RAD52: variants seen among roughly 807,000 people sequenced by gnomAD.
RAD52 encodes the protein RAD52 DNA repair protein, also known as DNA repair protein RAD52 homolog.
In RAD52, 47 loss-of-function variants were observed where a neutral mutation model predicts 55.5. The ratio of observed to expected loss-of-function variants is 0.85; its 90% CI spans 0.67 to 1.08. The LOEUF is 1.08. RAD52 is among the 50% of genes least tolerant of loss of function. The pLI, the probability that RAD52 is intolerant of heterozygous loss-of-function variation, is 0.00. For synonymous variants in RAD52, 184 were observed against 198.9 expected (o/e 0.92, Z 0.63); for missense variants, 468 against 522.8 (o/e 0.90, Z 1.02).
chr12:918,367 A>G (rs1410556240), intron 7 of RAD52, among the ~76,000 whole-genome samples: 1 of 152,168 alleles, frequency 6.6e-6, no homozygotes, highest in African/African-American at 2.4e-5. Flanking sequence ...AAAGTACATA[A>G]CAATAAAAAC....
At chr12:916,130 A>G (rs1956357324) in intron 9 of RAD52, 2 of 1,268,400 alleles carry the variant, frequency 1.6e-6, no homozygotes, top group East Asian at 3.1e-5. Flanking sequence ...CACGGGGGAA[A>G]AAAGAAATCA....
rs555707723 is a variant in RAD52 at position 985,796 on chromosome 12, C to A, written c.-19+4013G>T. On this transcript the variant is annotated intron_variant, in intron 1 of 11. Transcript: ENST00000430095. ...TAGTTGGGATTACAGGCGCCCACCACCACGCCCAACTAATTTTTGTAATTT... is the reference window on the plus strand; with the variant it reads ...TAGTTGGGATTACAGGCGCCCACCAACACGCCCAACTAATTTTTGTAATTT... 2.0e-5 allele frequency among the ~76,000 whole-genome samples: 3 copies of A among 152,068 alleles called. No homozygotes were observed. The East Asian group carries it at 5.8e-4, about 29-fold the overall frequency.
At chr12:914,725 G>C (rs1956265470) in intron 9 of RAD52, among the ~76,000 whole-genome samples, 193 bp from the exon 10 acceptor site, 1 of 152,138 alleles carries the variant, frequency 6.6e-6, no homozygotes, top group African/African-American at 2.4e-5. Flanking sequence ...ATCTGTCTGT[G>C]GTTTGAATTC....
Position 930,068 on chromosome 12 carries a change from ATGG to A in RAD52, c.260_262del (p.Ser87_Ile88delinsPhe). The A allele has an allele frequency of 6.2e-7, 1 of 1,613,996 alleles. No individual in the cohort carries two copies. Among genetic ancestry groups the A allele is most frequent in the Non-Finnish European group, 8.5e-7 (1 of 1,179,842 alleles). On this transcript the variant is annotated inframe_deletion, in exon 4 of 12. Coordinates refer to ENST00000358495, the MANE Select transcript of RAD52 (RefSeq NM_134424.4). ...ATACTCACCCACATTCTGCTGCGTG[ATGG>A]AGTGTGCCCAGCCATTGTAACCAAA...
At chr12:938,284 A>G (rs1957740098) in intron 1 of RAD52, among the ~76,000 whole-genome samples, 1 of 152,202 alleles carries the variant, frequency 6.6e-6, no homozygotes, top group African/African-American at 2.4e-5. Flanking sequence ...TCAGGAAACA[A>G]TCAAACAAGT....
chr12:914,028 G>A lies in RAD52; in HGVS notation c.1061C>T (p.Thr354Ile). 1 of 1,614,176 alleles carries A rather than the reference G, an allele frequency of 6.2e-7. No individual in the cohort carries two copies. The highest frequency in any genetic ancestry group is 8.5e-7 in the Non-Finnish European group (1 of 1,180,030). The change falls in exon 11 of 12, where the codon ACC becomes ATC. Residue 354 changes from threonine (T) to isoleucine (I), a missense_variant. Physicochemically the swap from Thr to Ile is moderately conservative, Grantham distance 89 (BLOSUM62 -1). Coordinates refer to ENST00000358495, the MANE Select transcript of RAD52 (RefSeq NM_134424.4). The part of the protein sequence containing the change: ...KPSSRADPAQ[T>I]SDTLALNNQM... The stretch of plus-strand genomic sequence containing the variant: ...GTTGTTCAAGGCTAATGTGTCAGAG[G>A]TCTGGGCTGGGTCTGCTCTAGACGA...
chr12:931,400 T>A, intron 2 of RAD52, 79 bp from the exon 3 acceptor site: 1 of 1,082,554 alleles, frequency 9.2e-7, no homozygotes, highest in Non-Finnish European at 1.3e-6. Flanking sequence ...TTATGGAGAC[T>A]TTATACTCTT....
intron 9 of RAD52, 55 bp downstream of exon 9, chr12:916,289 G>A (rs1383761594): frequency 6.3e-7 from 1 of 1,589,208 alleles, no homozygotes; most frequent in Non-Finnish European, 8.5e-7. Flanking sequence ...AGACCCTGCG[G>A]CTACACTTCC....
At position 965,894 on chromosome 12, in the gene RAD52, C is replaced by T. The variant is rs551853829; in HGVS notation, c.-19+23915G>A. ...TAGAGACAGGGTTTCGCCTGTTGGC[C>T]AGGCTGATCTCGAACTGCTGACCTC... is the stretch of plus-strand genomic sequence containing the variant. On this transcript the variant is annotated intron_variant, in intron 1 of 11. Coordinates refer to the RAD52 transcript ENST00000430095. Among the ~76,000 whole-genome samples, 14 of 152,142 alleles carry T rather than the reference C, an allele frequency of 9.2e-5. No homozygotes were observed. In the South Asian group the frequency reaches 1.9e-3, roughly 20 times the overall value.
At position 944,300 on chromosome 12, in the gene RAD52, G is replaced by A. The variant is rs148660794; in HGVS notation, c.-19+5302C>T. On this transcript the variant is annotated intron_variant, in intron 1 of 11. Transcript: ENST00000358495. ...CACTTGAGGCTGAAGTGGAAGGATC[G>A]CTTGAGGCTCAGGAGTTCAAGACAA... Among the ~76,000 whole-genome samples, 99 of 152,090 alleles carry A rather than the reference G, an allele frequency of 6.5e-4. No individual in the cohort carries two copies. In the East Asian group the frequency reaches 0.012, roughly 18 times the overall value.
chr12:967,381 C>CA (rs71055113), intron 1 of RAD52, among the ~76,000 whole-genome samples: 134,759 of 138,390 alleles, frequency 0.97, 65,633 homozygotes, highest in East Asian at 0.99. Flanking sequence ...GACCTTGTCT[C>CA]AAAAAAAAAA....
chr12:950,695 G>A (rs1317540527), upstream of RAD52, among the ~76,000 whole-genome samples: 1 of 151,878 alleles, frequency 6.6e-6, no homozygotes, highest in Non-Finnish European at 1.5e-5. Flanking sequence ...TTACAGGTAT[G>A]AGCCACTGCA....
chr12:913,439 A>G lies in RAD52; in HGVS notation c.1209T>C (p.Ser403=). Residue 403 remains serine (S), a synonymous_variant, in exon 12 of 12, where the codon TCT becomes TCC. Coordinates refer to ENST00000358495, the MANE Select transcript of RAD52 (RefSeq NM_134424.4). The stretch of plus-strand genomic sequence containing the variant: ...TCTTCATGTCCTGGCTCTTCCTATG[A>G]GATTCCCAGTTTCCTATGGAAGACA... The part of the protein sequence containing the change: ...ADQRTTGNWE[S]HRKSQDMKKR... 1.9e-6 allele frequency: 3 copies of G among 1,605,734 alleles called. No individual in the cohort carries two copies. In the African/African-American group the frequency reaches 4.0e-5, roughly 21 times the overall value.
intron 1 of RAD52, among the ~76,000 whole-genome samples, chr12:954,765 C>T (rs1958582615): frequency 6.6e-6 from 1 of 152,122 alleles, no homozygotes; most frequent in African/African-American, 2.4e-5. Flanking sequence ...TATCAAAATT[C>T]TAAATTAAGC....
intron 1 of RAD52, among the ~76,000 whole-genome samples, chr12:971,063 G>A (rs1752382788): frequency 6.6e-6 from 1 of 152,128 alleles, no homozygotes; most frequent in African/African-American, 2.4e-5. Flanking sequence ...CATATGCAAA[G>A]ATAAAATATA....
upstream of RAD52, among the ~76,000 whole-genome samples, chr12:954,357 C>T (rs911033127): frequency 3.3e-5 from 5 of 152,130 alleles, no homozygotes; most frequent in Non-Finnish European, 7.3e-5. Context: ...ACAGGCTGGG[C>T]GCGGTGGCTC....
At chr12:990,238 T>C (rs894107459), upstream of RAD52, 9 of 152,148 alleles carry the variant, frequency 5.9e-5, no homozygotes, top group African/African-American at 2.2e-4. Flanking sequence ...AAAATTATTT[T>C]AATAAACACT....
chr12:990,897 G>A (rs555262194), upstream of RAD52, among the ~76,000 whole-genome samples: 5 of 152,056 alleles, frequency 3.3e-5, no homozygotes, highest in South Asian at 2.1e-4. Flanking sequence ...CGCTCGCGGA[G>A]CCGACCCCGG....
chr12:982,217 T>C (rs1959027064), intron 1 of RAD52, among the ~76,000 whole-genome samples: 1 of 152,160 alleles, frequency 6.6e-6, no homozygotes, highest in African/African-American at 2.4e-5. Context: ...GTGTCCCCTT[T>C]AGTCCAAGAT....
Sources: allele counts gnomAD v4.1 joint callset (sites outside exome capture counted in the v4.1 genomes callset), GRCh38; gene constraint gnomAD v4.1.1; transcripts MANE v1.5; gene names NCBI Gene and HGNC (gene_info 2026-07-23, HGNC 2026-07-21).